Variants in MSL1 observed in about 807,000 individuals in gnomAD.
MSL1 encodes MSL complex subunit 1.
A neutral mutation model predicts 64.6 loss-of-function variants in MSL1; 21 were observed. That is an observed-to-expected ratio of 0.33 (90% confidence interval 0.23 to 0.47). The LOEUF (loss-of-function observed/expected upper bound fraction) is 0.47. MSL1 is among the 20% of genes least tolerant of loss of function. The pLI is 1.00. For missense variants in MSL1, 664 were observed against 793.2 expected (o/e 0.84, Z 1.96); for synonymous variants, 339 against 329.6 (o/e 1.03, Z -0.31).
rs1343877916 is a variant in MSL1 at position 40,122,691 on chromosome 17, C to T, written c.79C>T (p.Arg27Trp). 6.7e-7 allele frequency: 1 copy of T among 1,486,270 alleles called. No individual in the cohort carries two copies. Among genetic ancestry groups the T allele is most frequent in the Non-Finnish European group, 8.9e-7 (1 of 1,125,714 alleles). The allele number at this position is 1,486,270 out of a possible 1,614,324, so 92.1% of individuals were successfully genotyped here. A position where few individuals can be genotyped will look rare whatever the true frequency, so the allele number is the denominator to read the frequency against. ...GNPEQRLDYE[R>W]AAALGGPEDE... ...TCCTGAGCAGCGACTGGACTACGAG[C>T]GGGCTGCGGCGCTGGGCGGGCCCGA... The change falls in exon 1 of 9, where the codon CGG becomes TGG. Residue 27 changes from arginine (R) to tryptophan (W), a missense_variant. Around this residue, in one of 4 missense-constraint regions of MSL1, gnomAD observed 466 missense variants for 499.0 expected, o/e 0.93. Transcript: ENST00000398532. The surrounding 1 kb of genome is among the most constrained non-coding windows in gnomAD (Gnocchi z 4.2).
chr17:40,129,265 C>G lies in MSL1; in HGVS notation c.1013C>G (p.Thr338Arg). ...AATAGGAAATCCCCATTTGGAAGTACAGAAAGAAAGACTCCTGTTAAAAAG... is the reference window on the plus strand; with the variant it reads ...AATAGGAAATCCCCATTTGGAAGTAGAGAAAGAAAGACTCCTGTTAAAAAG... ...GHKRKSPFGS[T>R]ERKTPVKKLA... is the part of the protein sequence containing the mutation. The change falls in exon 3 of 9, where the codon ACA (threonine) becomes AGA (arginine). Residue 338 changes from threonine to arginine, a missense_variant. Physicochemically the swap from Thr to Arg is moderately conservative, Grantham distance 71. This residue lies in a region of MSL1 where 466 missense variants were observed against 499.0 expected (regional missense o/e 0.93). Coordinates refer to ENST00000398532, the MANE Select transcript of MSL1 (RefSeq NM_001365919.1). The G allele has an allele frequency of 1.9e-6, 3 of 1,558,936 alleles. No homozygotes were observed. Among genetic ancestry groups the G allele is most frequent in the African/African-American group, 1.4e-5 (1 of 71,936 alleles).
intron 2 of MSL1, among the ~76,000 whole-genome samples, chr17:40,127,727 G>C (rs1023897529): frequency 6.6e-6 from 1 of 152,138 alleles, no homozygotes; most frequent in Non-Finnish European, 1.5e-5. Context: ...TGATCCTCCC[G>C]AAGTGCTGGG....
chr17:40,123,140 T>C lies in MSL1; in HGVS notation c.528T>C (p.Pro176=), dbSNP rs912735879. 2 of 1,532,944 alleles carry C rather than the reference T, an allele frequency of 1.3e-6. No homozygotes were observed. The highest frequency in any genetic ancestry group is 2.8e-5 in the African/African-American group (2 of 72,716). The allele number at this position is 1,532,944 out of a possible 1,614,324, so 95.0% of individuals were successfully genotyped here. ...ASDPAGPPPL[P]LPGPPPLAPT... is the part of the protein sequence containing the mutation. ...ACCCGGCGGGACCCCCACCACTACC[T>C]CTGCCCGGGCCGCCACCCCTCGCGC... Residue 176 remains proline (P), a synonymous_variant, in exon 1 of 9, where the codon CCT becomes CCC. Coordinates refer to ENST00000398532, the MANE Select transcript of MSL1 (RefSeq NM_001365919.1).
chr17:40,126,625 T>G (rs9899424), intron 2 of MSL1: 18,602 of 509,616 alleles, frequency 0.037, 951 homozygotes, highest in African/African-American at 0.17. Context: ...TGGCCAACAT[T>G]TTGAAACCCC....
rs914120248 is a variant in MSL1 at position 40,135,304 on chromosome 17, CAG to C, written c.*937_*938del. The stretch of plus-strand genomic sequence containing the variant: ...GCAAATGTCTACATCTTGAAACAAA[CAG>C]ATGTACCTAATGAGCTTCTCCATTC... On this transcript the variant is annotated 3_prime_UTR_variant, in exon 9 of 9. Transcript: ENST00000398532. 6 of 152,276 alleles carry C rather than the reference CAG, an allele frequency of 3.9e-5. No individual in the cohort carries two copies. The highest frequency in any genetic ancestry group is 5.9e-5 in the Non-Finnish European group (4 of 68,022). The allele number at this position is 152,276 out of a possible 1,614,324, so 9.4% of individuals were successfully genotyped here.
rs77578135 is a variant in MSL1 at position 40,130,001 on chromosome 17, T to C, written c.1375+374T>C. ...TGCACGACTGTTCCTGCAATTGATATTGTGTGAAATCTGGGAGGGTGGTCT... is the reference window on the plus strand; with the variant it reads ...TGCACGACTGTTCCTGCAATTGATACTGTGTGAAATCTGGGAGGGTGGTCT... On this transcript the variant is annotated intron_variant, in intron 3 of 8. Coordinates refer to ENST00000398532, the MANE Select transcript of MSL1 (RefSeq NM_001365919.1). 4.2e-3 allele frequency: 665 copies of C among 159,550 alleles called. 3 individuals are homozygous for C. Among genetic ancestry groups the C allele is most frequent in the African/African-American group, 0.015 (632 of 41,732 alleles). 9.9% of individuals were successfully genotyped at this position (159,550 alleles called of 1,614,324 possible).
chr17:40,130,933 C>G (rs754035644), intron 3 of MSL1: 1 of 152,612 alleles, frequency 6.6e-6, no homozygotes, highest in Non-Finnish European at 1.5e-5. Flanking sequence ...CTAGTACAGA[C>G]AATTTCAAAC....
At chr17:40,126,433 G>A (rs373522601) in intron 2 of MSL1, 27 bp downstream of exon 2, 10 of 1,583,272 alleles carry the variant, frequency 6.3e-6, no homozygotes, top group Non-Finnish European at 8.7e-6. Flanking sequence ...GTTTGATGAG[G>A]ACCCTTGTTA....
intron 1 of MSL1, among the ~76,000 whole-genome samples, chr17:40,125,524 TC>T (rs1988293519): frequency 6.6e-6 from 1 of 152,112 alleles, no homozygotes; most frequent in African/African-American, 2.4e-5. Context: ...TCTTAAAAGA[TC>T]ATGTAGGCTG....
Position 40,122,945 on chromosome 17 carries a change from A to T in MSL1, c.333A>T (p.Gln111His). Reference sequence around the variant, plus strand: ...CCTGTCCGCCCCCGGCCACCAAGCAAGCCGGCATTGGGGGGGAGCCTGCCG... The same window carrying T: ...CCTGTCCGCCCCCGGCCACCAAGCATGCCGGCATTGGGGGGGAGCCTGCCG... The part of the protein sequence containing the change: ...PLPCPPPATK[Q>H]AGIGGEPAAA... Residue 111 changes from glutamine to histidine, a missense_variant, in exon 1 of 9, where the codon CAA becomes CAT. Gln to His is a conservative substitution (Grantham distance 24). Around this residue, in one of 4 missense-constraint regions of MSL1, gnomAD observed 466 missense variants for 499.0 expected, o/e 0.93. Coordinates refer to ENST00000398532, the MANE Select transcript of MSL1 (RefSeq NM_001365919.1). This position sits in a 1 kb window ranked among gnomAD's most constrained non-coding sequence, Gnocchi z 4.2. 2.0e-6 allele frequency: 3 copies of T among 1,523,250 alleles called. No homozygotes were observed. The highest frequency in any genetic ancestry group is 1.2e-5 in the South Asian group (1 of 83,318). The allele number at this position is 1,523,250 out of a possible 1,614,324, so 94.4% of individuals were successfully genotyped here.
chr17:40,134,363 GA>G lies in MSL1; in HGVS notation c.1842del (p.Lys614AsnfsTer12). The G allele has an allele frequency of 6.4e-7, 1 of 1,554,080 alleles. No individual in the cohort carries two copies. Among genetic ancestry groups the G allele is most frequent in the Non-Finnish European group, 8.7e-7 (1 of 1,148,256 alleles). The stretch of plus-strand genomic sequence containing the variant: ...AGCAAACACCTCACCGGACGTGTAG[GA>G]AATAGCTGTGCTGGCAAGAACCCTG... Reference protein sequence around the residue: ...KKQTPHRTCRK With the variant: ...KKQTPHRTCRX On this transcript the variant is annotated frameshift_variant, in exon 9 of 9. Coordinates refer to ENST00000398532, the MANE Select transcript of MSL1 (RefSeq NM_001365919.1). LOFTEE classifies it high-confidence loss of function.
At position 40,133,077 on chromosome 17, in the gene MSL1, A is replaced by G. The variant is rs1210701855; in HGVS notation, c.1524A>G (p.Ala508=). ...LDDSVFSKRH[A]KLELDEKRRK... is the part of the protein sequence containing the mutation. The stretch of plus-strand genomic sequence containing the variant: ...ACAGTGTGTTTTCGAAGCGGCATGC[A>G]AAACTGGAGCTGGATGAGAAGAGAA... Residue 508 remains alanine (A), a synonymous_variant, in exon 6 of 9, where the codon GCA becomes GCG. Transcript: ENST00000398532. 6.2e-7 allele frequency: 1 copy of G among 1,611,270 alleles called. No individual in the cohort carries two copies. The highest frequency in any genetic ancestry group is 8.5e-7 in the Non-Finnish European group (1 of 1,178,812).
intron 2 of MSL1, among the ~76,000 whole-genome samples, chr17:40,127,041 A>C (rs1273470480): frequency 1.1e-4 from 16 of 152,012 alleles, no homozygotes; most frequent in Non-Finnish European, 2.4e-4. Context: ...GTAGACATAG[A>C]AAAGTAAAAT....
rs749390184 is a variant in MSL1, at chr17:40,126,375, T to G, written c.961T>G (p.Ser321Ala). The change falls in exon 2 of 9, where the codon TCA becomes GCA. Residue 321 changes from serine (S) to alanine (A), a missense_variant. Ser to Ala is a moderately conservative substitution (Grantham distance 99, BLOSUM62 1). This residue lies in a region of MSL1 where 466 missense variants were observed against 499.0 expected (regional missense o/e 0.93). Coordinates refer to ENST00000398532, the MANE Select transcript of MSL1 (RefSeq NM_001365919.1). ...CCAGACTCTGCCTCCCAAGCCCTTC[T>G]CATGTGGGCGGAGTGGAAAGGGACA... is the stretch of plus-strand genomic sequence containing the variant. ...TSQTLPPKPF[S>A]CGRSGKGHKR... is the part of the protein sequence containing the mutation. The G allele has an allele frequency of 6.2e-7, 1 of 1,614,002 alleles. No individual in the cohort carries two copies. Among genetic ancestry groups the G allele is most frequent in the Non-Finnish European group, 8.5e-7 (1 of 1,179,894 alleles).
At position 40,122,633 on chromosome 17, in the gene MSL1, G is replaced by T. The variant is rs1988207530; in HGVS notation, c.21G>T (p.Val7=). The T allele has an allele frequency of 1.3e-6, 2 of 1,489,520 alleles. No individual in the cohort carries two copies. Among genetic ancestry groups the T allele is most frequent in the Admixed American group, 2.2e-5 (1 of 44,990 alleles). The allele number at this position is 1,489,520 out of a possible 1,614,324, so 92.3% of individuals were successfully genotyped here. The change falls in exon 1 of 9, where the codon GTG becomes GTT. Residue 7 remains valine, a synonymous_variant. Transcript: ENST00000398532. The surrounding 1 kb of genome is among the most constrained non-coding windows in gnomAD (Gnocchi z 4.2). The part of the protein sequence containing the change: MTMRSA[V]FKAAAAPAGG... ...CCACTATGACCATGAGATCCGCGGTGTTCAAGGCGGCCGCGGCCCCTGCCG... is the reference window on the plus strand; with the variant it reads ...CCACTATGACCATGAGATCCGCGGTTTTCAAGGCGGCCGCGGCCCCTGCCG...
chr17:40,127,942 G>A (rs1988358552), intron 2 of MSL1, among the ~76,000 whole-genome samples: 1 of 152,098 alleles, frequency 6.6e-6, no homozygotes. Context: ...GGCTAACACG[G>A]TGAAACCCTG....
At position 40,131,049 on chromosome 17, in the gene MSL1, T is replaced by C. The variant is rs1289701331; in HGVS notation, c.1376-488T>C. 6.5e-6 allele frequency: 1 copy of C among 154,114 alleles called. No homozygotes were observed. The highest frequency in any genetic ancestry group is 2.4e-5 in the African/African-American group (1 of 41,446). 9.5% of individuals were successfully genotyped at this position (154,114 alleles called of 1,614,324 possible). A position where few individuals can be genotyped will look rare whatever the true frequency, so the allele number is the denominator to read the frequency against. On this transcript the variant is annotated intron_variant, in intron 3 of 8. Transcript: ENST00000398532. The surrounding 1 kb of genome is among the most constrained non-coding windows in gnomAD (Gnocchi z 4.5). ...TAAACATGTGAATCCTTATTCTTGA[T>C]GCCCCTATCTCAAGAGGAAGGCTCA...
At chr17:40,128,366 A>ATTTTTT (rs1403723890) in intron 2 of MSL1, among the ~76,000 whole-genome samples, 6 of 131,650 alleles carry the variant, frequency 4.6e-5, no homozygotes, top group African/African-American at 1.5e-4. Context: ...GACCTTGAAT[A>ATTTTTT]TTCTTTTTTT....
In MSL1 at chr17:40,135,482, C is replaced by T. The variant is rs1180926238; in HGVS notation, c.*1113C>T. 3 of 152,282 alleles carry T rather than the reference C, an allele frequency of 2.0e-5. No individual in the cohort carries two copies. Among genetic ancestry groups the T allele is most frequent in the African/African-American group, 4.8e-5 (2 of 41,420 alleles). 9.4% of individuals were successfully genotyped at this position (152,282 alleles called of 1,614,324 possible). A position where few individuals can be genotyped will look rare whatever the true frequency, so the allele number is the denominator to read the frequency against. On this transcript the variant is annotated 3_prime_UTR_variant, in exon 9 of 9. Coordinates refer to ENST00000398532, the MANE Select transcript of MSL1 (RefSeq NM_001365919.1). Reference sequence around the variant, plus strand: ...GGAAAATAGAGCCAAGACCTCTGGTCTCAAATATATAGGAATTGCCTTTCT... The same window carrying T: ...GGAAAATAGAGCCAAGACCTCTGGTTTCAAATATATAGGAATTGCCTTTCT...
Sources: allele counts gnomAD v4.1 joint callset (sites outside exome capture counted in the v4.1 genomes callset), GRCh38; gene constraint gnomAD v4.1.1; regional missense constraint gnomAD v4.1.1; non-coding constraint Gnocchi (gnomAD v3.1); transcripts MANE v1.5; gene names NCBI Gene and HGNC (gene_info 2026-07-23, HGNC 2026-07-21).